MALT1: variants seen among roughly 807,000 people sequenced by gnomAD.
The protein encoded by MALT1 is mucosa-associated lymphoid tissue lymphoma translocation protein 1.
A neutral mutation model predicts 85.5 loss-of-function variants in MALT1; 36 were observed. The ratio of observed to expected loss-of-function variants is 0.42; its 90% CI spans 0.32 to 0.56. The LOEUF (loss-of-function observed/expected upper bound fraction) is 0.56, where lower values mean the gene tolerates loss of function less well. Among genes scored for constraint, MALT1 ranks in the 20% least tolerant of loss-of-function variants. The pLI is 0.10. For missense variants in MALT1, 716 were observed against 981.6 expected, an observed-to-expected ratio of 0.73 and a Z score of 3.62; for synonymous variants, 359 against 361.3, an observed-to-expected ratio of 0.99 and a Z score of 0.07.
At chr18:58,740,253 A>G (rs1049866465) in intron 13 of MALT1, among the ~76,000 whole-genome samples, 2 of 152,044 alleles carry the variant, frequency 1.3e-5, no homozygotes, top group African/African-American at 4.8e-5. Context: ...GCTTTTGCCA[A>G]TTGTGCTATT....
At chr18:58,711,794 G>T (rs935781695) in intron 7 of MALT1, among the ~76,000 whole-genome samples, 1 of 152,078 alleles carries the variant, frequency 6.6e-6, no homozygotes, top group African/African-American at 2.4e-5. Flanking sequence ...TGTCTCTATA[G>T]TATCACTCTG....
intron 4 of MALT1, among the ~76,000 whole-genome samples, chr18:58,702,787 T>G (rs2144367786): frequency 6.6e-6 from 1 of 152,336 alleles, no homozygotes; most frequent in South Asian, 2.1e-4. Flanking sequence ...CAAGGAAACA[T>G]TCATCAGACT....
At chr18:58,743,409 T>C (rs1396624817) in intron 14 of MALT1, among the ~76,000 whole-genome samples, 1 of 152,188 alleles carries the variant, frequency 6.6e-6, no homozygotes, top group Non-Finnish European at 1.5e-5. Context: ...TACATATTTT[T>C]AGTAAATTAA....
chr18:58,743,865 A>G (rs2055332998), intron 14 of MALT1, among the ~76,000 whole-genome samples: 1 of 152,184 alleles, frequency 6.6e-6, no homozygotes, highest in Admixed American at 6.5e-5. Context: ...AATTTGTCCC[A>G]TATGTAAAGG....
In MALT1 at chr18:58,733,548, G is replaced by T; in HGVS notation, c.1374G>T (p.Val458=). 1.9e-6 allele frequency: 3 copies of T among 1,605,870 alleles called. No individual in the cohort carries two copies. Among genetic ancestry groups the T allele is most frequent in the Non-Finnish European group, 2.6e-6 (3 of 1,176,278 alleles). ...AAGAAAAAGAAACTGGACTTAATGT[G>T]TTCTTATTGGATATGTGTAGGAAAA... is the stretch of plus-strand genomic sequence containing the variant. ...LMQEKETGLN[V]FLLDMCRKRN... Residue 458 remains valine, a synonymous_variant, in exon 11 of 17, where the codon GTG becomes GTT. Transcript: ENST00000649217.
chr18:58,742,021 T>C lies in MALT1; in HGVS notation c.1753+7T>C, dbSNP rs1215033492. 2.7e-6 allele frequency: 4 copies of C among 1,481,224 alleles called. No homozygotes were observed. Among genetic ancestry groups the C allele is most frequent in the Non-Finnish European group, 3.7e-6 (4 of 1,094,486 alleles). The allele number at this position is 1,481,224 out of a possible 1,614,324, so 91.8% of individuals were successfully genotyped here. A position where few individuals can be genotyped will look rare whatever the true frequency, so the allele number is the denominator to read the frequency against. ...CAGTGGGCCAAGGCTCATGGTACGG[T>C]AAAGCCCATTTTTTGTTAGATCTAC... On this transcript the variant is annotated splice_region_variant and intron_variant, in intron 14 of 16. Transcript: ENST00000649217.
chr18:58,671,724 C>A lies in MALT1; in HGVS notation c.81C>A (p.Gly27=). 1 of 1,281,292 alleles carries A rather than the reference C, an allele frequency of 7.8e-7. No individual in the cohort carries two copies. The highest frequency in any genetic ancestry group is 9.9e-7 in the Non-Finnish European group (1 of 1,014,060). The allele number at this position is 1,281,292 out of a possible 1,614,324, so 79.4% of individuals were successfully genotyped here. ...PTGPLLAPPA[G]ATLNRLREPL... is the part of the protein sequence containing the mutation. The stretch of plus-strand genomic sequence containing the variant: ...GGCCGCTGCTCGCCCCTCCGGCCGG[C>A]GCGACCCTCAACCGCCTGCGGGAGC... The change falls in exon 1 of 17, where the codon GGC becomes GGA. Residue 27 remains glycine, a synonymous_variant. Transcript: ENST00000649217.
intron 7 of MALT1, among the ~76,000 whole-genome samples, chr18:58,712,694 CAAAG>C (rs1207244475): frequency 2.0e-5 from 3 of 151,974 alleles, no homozygotes; most frequent in African/African-American, 2.4e-5. Context: ...GTTCCCCACA[CAAAG>C]AAATAAGTGT....
rs780996517 is a variant in MALT1 at position 58,710,987 on chromosome 18, C to T, written c.958+34C>T. 12 of 1,513,114 alleles carry T rather than the reference C, an allele frequency of 7.9e-6. No homozygotes were observed. The East Asian group carries it at 2.2e-4, about 28-fold the overall frequency. The allele number at this position is 1,513,114 out of a possible 1,614,324, so 93.7% of individuals were successfully genotyped here. A position where few individuals can be genotyped will look rare whatever the true frequency, so the allele number is the denominator to read the frequency against. On this transcript the variant is annotated intron_variant, in intron 7 of 16. Coordinates refer to ENST00000649217, the MANE Select transcript of MALT1 (RefSeq NM_006785.4). ...AGTCTTTGGTTTGAAACCAAATCTC[C>T]TGCATGCTAGTTACTCTTGGGATTG...
chr18:58,739,324 G>A (rs966251687), intron 13 of MALT1, among the ~76,000 whole-genome samples: 19 of 152,100 alleles, frequency 1.2e-4, no homozygotes, highest in Non-Finnish European at 2.8e-4. Flanking sequence ...AATAAAATTA[G>A]TATTTAGTGG....
At chr18:58,746,924 C>T (rs2144493591) in intron 16 of MALT1, among the ~76,000 whole-genome samples, 1 of 152,248 alleles carries the variant, frequency 6.6e-6, no homozygotes, top group Non-Finnish European at 1.5e-5. Context: ...AGACAGGTTT[C>T]ACCACGTTGG....
intron 6 of MALT1, 60 bp from the exon 7 acceptor site, chr18:58,710,861 G>T: frequency 8.8e-7 from 1 of 1,140,598 alleles, no homozygotes; most frequent in Non-Finnish European, 1.3e-6. Flanking sequence ...TTTGCTTGAC[G>T]GCTGCCCTTC....
At chr18:58,680,689 C>T (rs866908156) in intron 1 of MALT1, among the ~76,000 whole-genome samples, 12 of 152,058 alleles carry the variant, frequency 7.9e-5, no homozygotes, top group East Asian at 1.9e-4. Flanking sequence ...TTGGGGAGGC[C>T]GAGGCAGGTG....
At position 58,747,718 on chromosome 18, in the gene MALT1, A is replaced by G. The variant is rs904452707; in HGVS notation, c.2351A>G (p.Asp784Gly). The change falls in exon 17 of 17, where the codon GAT (aspartate) becomes GGT (glycine). Residue 784 changes from aspartate to glycine, a missense_variant. By Grantham distance (94) the Asp-to-Gly change is moderately conservative (BLOSUM62 -1). Transcript: ENST00000649217. ...ADSCHCSRTP[D>G]AFISSFAHHA... ...AGCTGTCATTGCAGCCGGACTCCAG[A>G]TGCATTTATTTCAAGTTTCGCTCAC... is the stretch of plus-strand genomic sequence containing the variant. 1 of 1,614,162 alleles carries G rather than the reference A, an allele frequency of 6.2e-7. No individual in the cohort carries two copies. The highest frequency in any genetic ancestry group is 8.5e-7 in the Non-Finnish European group (1 of 1,179,972).
intron 10 of MALT1, among the ~76,000 whole-genome samples, chr18:58,730,639 A>G (rs1423167211): frequency 6.6e-6 from 1 of 152,194 alleles, no homozygotes; most frequent in East Asian, 1.9e-4. Context: ...TCTCTTCGGT[A>G]TGTACCTGGA....
intron 9 of MALT1, among the ~76,000 whole-genome samples, chr18:58,719,417 C>G (rs1271594261): frequency 3.3e-5 from 5 of 152,140 alleles, no homozygotes; most frequent in Non-Finnish European, 1.5e-5. Flanking sequence ...CCCCCAACTT[C>G]TTTCTCTTCG....
At chr18:58,742,336 G>A (rs1033599924) in intron 14 of MALT1, among the ~76,000 whole-genome samples, 2 of 151,988 alleles carry the variant, frequency 1.3e-5, no homozygotes, top group South Asian at 2.1e-4. Context: ...GTGACCTGTC[G>A]AAAATCATGG....
chr18:58,676,991 TA>T (rs1222896054), intron 1 of MALT1, among the ~76,000 whole-genome samples: 1 of 152,178 alleles, frequency 6.6e-6, no homozygotes, highest in Non-Finnish European at 1.5e-5. Context: ...AAAATAGAGA[TA>T]TTTTTAAAAA....
chr18:58,746,592 A>G (rs1027971597), intron 16 of MALT1, among the ~76,000 whole-genome samples: 1 of 152,128 alleles, frequency 6.6e-6, no homozygotes, highest in African/African-American at 2.4e-5. Flanking sequence ...TTCGGAGCTC[A>G]TCTACTTAAA....
Sources: gnomAD v4.1 joint callset for allele counts (sites outside exome capture counted in the v4.1 genomes callset) on GRCh38, gnomAD v4.1.1 for gene constraint, MANE v1.5 for transcripts, NCBI Gene and HGNC (gene_info 2026-07-23, HGNC 2026-07-21) for gene names.